SRP68: variants seen among roughly 807,000 people sequenced by gnomAD.
The protein encoded by SRP68 is signal recognition particle subunit SRP68.
In SRP68, 15 loss-of-function variants were observed where a neutral mutation model predicts 82.2. That is an observed-to-expected ratio of 0.18 (90% CI 0.12 to 0.28). The LOEUF is 0.28. SRP68 is among the 10% of genes least tolerant of loss of function. SRP68 has a pLI of 1.00. For missense variants in SRP68, 595 were observed against 780.5 expected, an observed-to-expected ratio of 0.76 and a Z score of 2.83; for synonymous variants, 261 against 292.6, an observed-to-expected ratio of 0.89 and a Z score of 1.10.
chr17:76,051,728 G>C (rs1032047597), intron 8 of SRP68, among the ~76,000 whole-genome samples: 3 of 151,786 alleles, frequency 2.0e-5, no homozygotes, highest in African/African-American at 2.4e-5. Context: ...CACTAACTTG[G>C]GAACGAACTG....
At chr17:76,056,635 T>C (rs1463777623) in intron 8 of SRP68, among the ~76,000 whole-genome samples, 1 of 152,172 alleles carries the variant, frequency 6.6e-6, no homozygotes, top group Non-Finnish European at 1.5e-5. Context: ...TTTAGATGCT[T>C]AAGCCAATTC....
chr17:76,057,221 T>C (rs906681833), intron 8 of SRP68, among the ~76,000 whole-genome samples, 182 bp downstream of exon 8: 1 of 152,228 alleles, frequency 6.6e-6, no homozygotes, highest in East Asian at 1.9e-4. Flanking sequence ...AGAATTCCTC[T>C]ATAAACTCAG....
In SRP68 at chr17:76,072,233, C is replaced by A. The variant is rs920277138; in HGVS notation, c.184+75G>T. 1.9e-6 allele frequency: 3 copies of A among 1,598,190 alleles called. No individual in the cohort carries two copies. The highest frequency in any genetic ancestry group is 1.8e-5 in the Admixed American group (1 of 56,700). On this transcript the variant is annotated intron_variant, in intron 1 of 15. Transcript: ENST00000307877. This position sits in a 1 kb window ranked among gnomAD's most constrained non-coding sequence, Gnocchi z 4.5. Reference sequence around the variant, plus strand: ...TCTCCTGCCAGGACTTGTCGGGACCCGCCGCCTCTCCCGCCCCCAGCCCTC... The same window carrying A: ...TCTCCTGCCAGGACTTGTCGGGACCAGCCGCCTCTCCCGCCCCCAGCCCTC...
rs1330381530 is a variant in SRP68 at position 76,070,412 on chromosome 17, G to A, written c.217C>T (p.His73Tyr). 14 of 1,614,006 alleles carry A rather than the reference G, an allele frequency of 8.7e-6. No homozygotes were observed. Among genetic ancestry groups the A allele is most frequent in the Non-Finnish European group, 1.2e-5 (14 of 1,179,936 alleles). Residue 73 changes from histidine (H) to tyrosine (Y), a missense_variant, in exon 2 of 16, where the codon CAT becomes TAT. This residue lies in a region of SRP68 where 495 missense variants were observed against 688.6 expected (regional missense o/e 0.72). Transcript: ENST00000307877. ...TGAAAATCTCCATGCCGTAAACCATGCTGCTGCTGGGATTCCTTAATAATC... is the reference window on the plus strand; with the variant it reads ...TGAAAATCTCCATGCCGTAAACCATACTGCTGCTGGGATTCCTTAATAATC... ...LQIIKESQQQ[H>Y]GLRHGDFQRY...
At chr17:76,061,300 T>A in intron 5 of SRP68, 81 bp from the exon 6 acceptor site, 1 of 1,071,264 alleles carries the variant, frequency 9.3e-7, no homozygotes, top group Non-Finnish European at 1.4e-6. Flanking sequence ...AAAAACAAAT[T>A]ATGGCCTTTT....
chr17:76,048,033 C>G (rs986128469), intron 9 of SRP68, 63 bp from the exon 10 acceptor site: 3 of 1,181,282 alleles, frequency 2.5e-6, no homozygotes, highest in Non-Finnish European at 3.6e-6. Context: ...CTGACCACCT[C>G]ATGGAATGGT....
chr17:76,046,055 A>G lies in SRP68; in HGVS notation c.1282T>C (p.Tyr428His). ...AGGGTCACCTGTAAGATGATGTCAT[A>G]GAGTCGGATCAGGTCCTGGGGCCGG... Reference protein sequence around the residue: ...SPRPQDLIRLYDIILQNLVEL... With the variant: ...SPRPQDLIRLHDIILQNLVEL... Residue 428 changes from tyrosine to histidine, a missense_variant, in exon 11 of 16, where the codon TAT (tyrosine) becomes CAT (histidine). Physicochemically the swap from Tyr to His is moderately conservative, Grantham distance 83 (BLOSUM62 2). Transcript: ENST00000307877. The G allele has an allele frequency of 6.2e-7, 1 of 1,613,914 alleles. No individual in the cohort carries two copies. Among genetic ancestry groups the G allele is most frequent in the Non-Finnish European group, 8.5e-7 (1 of 1,179,870 alleles).
chr17:76,062,536 CATTATAT>C (rs1381583811), intron 4 of SRP68, among the ~76,000 whole-genome samples: 1 of 101,190 alleles, frequency 9.9e-6, no homozygotes, highest in Non-Finnish European at 1.8e-5. Context: ...ATATAATATA[CATTATAT>C]ATTATATAAT....
chr17:76,062,857 G>A (rs547495903), intron 4 of SRP68, among the ~76,000 whole-genome samples: 72 of 141,736 alleles, frequency 5.1e-4, no homozygotes, highest in African/African-American at 1.8e-3. Context: ...TGCAAGCTCC[G>A]CCTCCCGGGT....
chr17:76,053,250 G>GGTGA (rs1177058521), intron 8 of SRP68, among the ~76,000 whole-genome samples: 4 of 144,724 alleles, frequency 2.8e-5, no homozygotes, highest in Non-Finnish European at 6.0e-5. Flanking sequence ...TGGGTGACAG[G>GGTGA]GTGAGACCCT....
chr17:76,053,707 A>G (rs2066692629), intron 8 of SRP68: 1 of 915,172 alleles, frequency 1.1e-6, no homozygotes, highest in African/African-American at 1.8e-5. Flanking sequence ...CGACGCCCAC[A>G]CTGCAATGAC....
chr17:76,058,900 C>T (rs183882856), intron 7 of SRP68, among the ~76,000 whole-genome samples: 1 of 152,288 alleles, frequency 6.6e-6, no homozygotes, highest in East Asian at 1.9e-4. Flanking sequence ...ATAAAACAGA[C>T]TTCTATGCAA....
intron 9 of SRP68, 30 bp from the exon 10 acceptor site, chr17:76,048,000 A>G: frequency 6.8e-7 from 1 of 1,481,140 alleles, no homozygotes; most frequent in Non-Finnish European, 9.2e-7. Context: ...TAAAAAGTAA[A>G]GCAACTGATG....
At position 76,070,361 on chromosome 17, in the gene SRP68, T is replaced by C. The variant is rs748215578; in HGVS notation, c.251+17A>G. The C allele has an allele frequency of 6.2e-7, 1 of 1,607,960 alleles. No individual in the cohort carries two copies. The highest frequency in any genetic ancestry group is 1.1e-5 in the South Asian group (1 of 90,950). On this transcript the variant is annotated intron_variant, in intron 2 of 15. Transcript: ENST00000307877. Reference sequence around the variant, plus strand: ...AGTCCCACAATGATTTCCAAACATCTTGTATGTGATACTAACCTGTACCTC... The same window carrying C: ...AGTCCCACAATGATTTCCAAACATCCTGTATGTGATACTAACCTGTACCTC...
At chr17:76,063,705 A>G in intron 4 of SRP68, among the ~76,000 whole-genome samples, 1 of 146,714 alleles carries the variant, frequency 6.8e-6, no homozygotes, top group Non-Finnish European at 1.5e-5. Context: ...AAAAAAAAAA[A>G]GTTACAGCTA....
At chr17:76,042,428 C>G (rs2066598274) in intron 13 of SRP68, among the ~76,000 whole-genome samples, 1 of 151,182 alleles carries the variant, frequency 6.6e-6, no homozygotes, top group Non-Finnish European at 1.5e-5. Flanking sequence ...ACCAGCCTGG[C>G]CAACATGGTG....
chr17:76,057,660 A>G, intron 7 of SRP68, 117 bp from the exon 8 acceptor site: 1 of 1,151,828 alleles, frequency 8.7e-7, no homozygotes, highest in Non-Finnish European at 1.2e-6. Flanking sequence ...ACTCCATAGA[A>G]AGTAGAGTAT....
At chr17:76,064,224 T>C in intron 3 of SRP68, 53 bp from the exon 4 acceptor site, 1 of 1,527,272 alleles carries the variant, frequency 6.5e-7, no homozygotes, top group Non-Finnish European at 9.0e-7. Flanking sequence ...CAGACCCAGA[T>C]ATTCTCTGAG....
At chr17:76,058,839 T>C (rs1458694949) in intron 7 of SRP68, among the ~76,000 whole-genome samples, 5 of 152,218 alleles carry the variant, frequency 3.3e-5, no homozygotes, top group Admixed American at 2.0e-4. Flanking sequence ...TCTGAGGACA[T>C]GGACATTCAT....
Sources: gnomAD v4.1 joint callset for allele counts (sites outside exome capture counted in the v4.1 genomes callset) on GRCh38, gnomAD v4.1.1 for gene constraint, gnomAD v4.1.1 regional missense constraint, Gnocchi (gnomAD v3.1) non-coding constraint, MANE v1.5 for transcripts, NCBI Gene and HGNC (gene_info 2026-07-23, HGNC 2026-07-21) for gene names.